EP300: variants seen among roughly 807,000 people sequenced by gnomAD.
EP300 encodes the protein histone acetyltransferase p300.
EP300 carries 31 observed loss-of-function variants against 264.0 expected under a neutral mutation model. The observed-to-expected ratio is 0.12, with a 90% CI of 0.09 to 0.16. The LOEUF (loss-of-function observed/expected upper bound fraction) is 0.16, where lower values mean the gene tolerates loss of function less well. Ranked by LOEUF, EP300 falls within the 10% of genes least tolerant of loss-of-function variation. The pLI is 1.00. For synonymous variants in EP300, 1,340 were observed against 1,045.4 expected (o/e 1.28, Z -5.44); for missense variants, 2,766 against 3,052.9 (o/e 0.91, Z 2.21).
At chr22:41,110,596 C>A (rs540025812) in intron 1 of EP300, among the ~76,000 whole-genome samples, 1 of 152,076 alleles carries the variant, frequency 6.6e-6, no homozygotes, top group South Asian at 2.1e-4. Context: ...CCACATCCGG[C>A]CTATATCCAG....
chr22:41,137,131 G>C (rs2058955623), intron 7 of EP300, among the ~76,000 whole-genome samples: 2 of 152,000 alleles, frequency 1.3e-5, no homozygotes, highest in Non-Finnish European at 1.5e-5. Context: ...GGCCCAGGTG[G>C]GTGGATCACT....
intron 22 of EP300, among the ~76,000 whole-genome samples, chr22:41,165,419 C>G (rs1362813570): frequency 1.3e-5 from 2 of 152,076 alleles, no homozygotes; most frequent in Non-Finnish European, 1.5e-5. Flanking sequence ...TACAATCATA[C>G]ATTTTCTTTT....
At chr22:41,156,265 G>A (rs1042734951) in intron 17 of EP300, among the ~76,000 whole-genome samples, 13 of 152,022 alleles carry the variant, frequency 8.6e-5, no homozygotes, top group African/African-American at 2.9e-4. Context: ...CACCCACCTC[G>A]GCCTCCCAGA....
chr22:41,148,235 G>A lies in EP300; in HGVS notation c.2241+289G>A, dbSNP rs770627077. On this transcript the variant is annotated intron_variant, in intron 12 of 30. Transcript: ENST00000263253. ...AGGCAGAGAACTGTCTTGCAAGGTT[G>A]ATGGTGCGTTTTTGCCTGGTTCTTG... is the stretch of plus-strand genomic sequence containing the variant. Among the ~76,000 whole-genome samples the A allele has an allele frequency of 6.6e-6, 1 of 152,160 alleles. No individual in the cohort carries two copies. Among genetic ancestry groups the A allele is most frequent in the Non-Finnish European group, 1.5e-5 (1 of 68,040 alleles).
intron 19 of EP300, 167 bp downstream of exon 19, chr22:41,158,667 A>G: frequency 1.6e-6 from 1 of 636,390 alleles, no homozygotes; most frequent in Admixed American, 2.3e-5. Context: ...CAGAACAATA[A>G]AATTTTCTAT....
At chr22:41,105,509 C>G (rs949904424) in intron 1 of EP300, among the ~76,000 whole-genome samples, 1 of 151,768 alleles carries the variant, frequency 6.6e-6, no homozygotes, top group Non-Finnish European at 1.5e-5. Flanking sequence ...AGCGATTCTC[C>G]TGCTTCAGCC....
At chr22:41,151,576 A>G (rs560593901) in intron 14 of EP300, among the ~76,000 whole-genome samples, 2 of 152,342 alleles carry the variant, frequency 1.3e-5, no homozygotes, top group East Asian at 1.9e-4. Context: ...ACTGCCAGAT[A>G]ATGATAGTTA....
At chr22:41,175,042 C>G (rs939633061) in intron 29 of EP300, among the ~76,000 whole-genome samples, 26 of 151,856 alleles carry the variant, frequency 1.7e-4, no homozygotes, top group African/African-American at 6.1e-4. Context: ...GGAAGGATTC[C>G]TGAGTTCTAA....
chr22:41,117,119 C>T, intron 1 of EP300, 68 bp from the exon 2 acceptor site: 2 of 1,324,526 alleles, frequency 1.5e-6, no homozygotes, highest in South Asian at 1.2e-5. Flanking sequence ...TTATTGAGAA[C>T]AATATAGAGC....
chr22:41,104,607 CAAG>C (rs1001231413), intron 1 of EP300, among the ~76,000 whole-genome samples: 91 of 152,120 alleles, frequency 6.0e-4, no homozygotes, highest in African/African-American at 2.1e-3. Flanking sequence ...GTTATTTTCA[CAAG>C]AAGTGTCACT....
At chr22:41,142,656 C>T (rs905461243) in intron 10 of EP300, among the ~76,000 whole-genome samples, 3 of 152,058 alleles carry the variant, frequency 2.0e-5, no homozygotes, top group African/African-American at 7.2e-5. Flanking sequence ...GAGGCCGAGG[C>T]GGGTAGATCA....
In EP300 at chr22:41,178,709, C is replaced by T. The variant is rs750944383; in HGVS notation, c.6998C>T (p.Pro2333Leu). ...TCCAGTCCTTCCCCAAGGATGCAGCCTCAGCCTTCTCCACACCACGTTTCC... is the reference window on the plus strand; with the variant it reads ...TCCAGTCCTTCCCCAAGGATGCAGCTTCAGCCTTCTCCACACCACGTTTCC... ...PHSSPSPRMQPQPSPHHVSPQ... is the reference protein window; with the variant it reads ...PHSSPSPRMQLQPSPHHVSPQ... Residue 2333 changes from proline to leucine, a missense_variant, in exon 31 of 31, where the codon CCT becomes CTT. By Grantham distance (98) the Pro-to-Leu change is moderately conservative. Transcript: ENST00000263253. 3.1e-6 allele frequency: 5 copies of T among 1,614,078 alleles called. No individual in the cohort carries two copies. Among genetic ancestry groups the T allele is most frequent in the East Asian group, 4.5e-5 (2 of 44,904 alleles).
chr22:41,169,676 T>G (rs893948838), intron 26 of EP300, 60 bp downstream of exon 26: 25 of 967,730 alleles, frequency 2.6e-5, no homozygotes, highest in Non-Finnish European at 4.0e-5. Flanking sequence ...TGGTGAGATA[T>G]AGGTTAAATA....
intron 2 of EP300, 144 bp downstream of exon 2, chr22:41,117,965 C>T: frequency 1.5e-6 from 2 of 1,347,690 alleles, no homozygotes; most frequent in Non-Finnish European, 2.1e-6. Flanking sequence ...TTAAGAAGTG[C>T]CTGTATTTAA....
chr22:41,119,190 T>TATCA (rs1569091412), intron 2 of EP300, among the ~76,000 whole-genome samples: 1 of 82,130 alleles, frequency 1.2e-5, no homozygotes, highest in Non-Finnish European at 2.7e-5. Context: ...TTTTTTTTTT[T>TATCA]TTTTTTTTTT....
At chr22:41,132,950 GC>G (rs2058929046) in intron 6 of EP300, among the ~76,000 whole-genome samples, 1 of 152,174 alleles carries the variant, frequency 6.6e-6, no homozygotes, top group African/African-American at 2.4e-5. Context: ...AAATCAAACA[GC>G]TTTTTTCTGT....
chr22:41,110,959 C>CTT (rs57411594), intron 1 of EP300, among the ~76,000 whole-genome samples: 15 of 139,244 alleles, frequency 1.1e-4, no homozygotes, highest in African/African-American at 2.7e-4. Flanking sequence ...TGTTATAAAT[C>CTT]TTTTTTTTTT....
At position 41,169,594 on chromosome 22, in the gene EP300, T is replaced by G. The variant is rs780779983; in HGVS notation, c.4264T>G (p.Leu1422Val). Residue 1422 changes from leucine (L) to valine (V), a missense_variant, in exon 26 of 31, where the codon TTA becomes GTA. By Grantham distance (32) the Leu-to-Val change is conservative (BLOSUM62 1). Coordinates refer to ENST00000263253, the MANE Select transcript of EP300 (RefSeq NM_001429.4). ...CTATCATGAAATCCTAATTGGATATTTAGAATATGTCAAGAAATTAGGGTA... is the reference window on the plus strand; with the variant it reads ...CTATCATGAAATCCTAATTGGATATGTAGAATATGTCAAGAAATTAGGGTA... ...AVYHEILIGY[L>V]EYVKKLGYTT... 2 of 1,602,616 alleles carry G rather than the reference T, an allele frequency of 1.2e-6. No individual in the cohort carries two copies. The highest frequency in any genetic ancestry group is 1.7e-6 in the Non-Finnish European group (2 of 1,171,598).
In EP300 at chr22:41,120,544, G is replaced by A. The variant is rs140252756; in HGVS notation, c.729+2723G>A. Among the ~76,000 whole-genome samples the A allele has an allele frequency of 2.2e-3, 334 of 152,248 alleles. 2 individuals are homozygous for A. The highest frequency in any genetic ancestry group is 7.7e-3 in the African/African-American group (318 of 41,542). Reference sequence around the variant, plus strand: ...CAAATGACATCAGCTTTTGCACACCGTTCTTGTCATGGATGAATCTGTGGT... The same window carrying A: ...CAAATGACATCAGCTTTTGCACACCATTCTTGTCATGGATGAATCTGTGGT... On this transcript the variant is annotated intron_variant, in intron 2 of 30. Transcript: ENST00000263253.
Sources: gnomAD v4.1 joint callset for allele counts (sites outside exome capture counted in the v4.1 genomes callset) on GRCh38, gnomAD v4.1.1 for gene constraint, MANE v1.5 for transcripts, NCBI Gene and HGNC (gene_info 2026-07-23, HGNC 2026-07-21) for gene names.